Variants in TFB1M observed in about 807,000 individuals in gnomAD.
TFB1M encodes dimethyladenosine transferase 1, mitochondrial.
A neutral mutation model predicts 31.1 loss-of-function variants in TFB1M; 27 were observed. The observed-to-expected ratio is 0.87, with a 90% CI of 0.64 to 1.20. The LOEUF is 1.20. Ranked by LOEUF, TFB1M falls within the 50% of genes most tolerant of loss-of-function variation. TFB1M has a pLI of 0.00. For synonymous variants in TFB1M, 166 were observed against 151.8 expected (o/e 1.09, Z -0.69); for missense variants, 394 against 418.7 (o/e 0.94, Z 0.51).
chr6:155,268,057 G>A (rs1384286956), intron 5 of TFB1M, among the ~76,000 whole-genome samples: 1 of 152,076 alleles, frequency 6.6e-6, no homozygotes, highest in Non-Finnish European at 1.5e-5. Context: ...AGATGCCCTT[G>A]ACTACATTAT....
At chr6:155,266,603 T>G (rs1784642664) in intron 5 of TFB1M, among the ~76,000 whole-genome samples, 1 of 151,842 alleles carries the variant, frequency 6.6e-6, no homozygotes, top group Non-Finnish European at 1.5e-5. Flanking sequence ...TCCCAGCACT[T>G]TGGAAGGCCA....
At chr6:155,259,377 G>A (rs2114661013) in intron 6 of TFB1M, among the ~76,000 whole-genome samples, 1 of 152,220 alleles carries the variant, frequency 6.6e-6, no homozygotes, top group East Asian at 1.9e-4. Context: ...GCAACAAGTG[G>A]CAGGCTGAGG....
In TFB1M at chr6:155,278,105, A is replaced by T. The variant is rs528595542; in HGVS notation, c.666+7053T>A. Among the ~76,000 whole-genome samples the T allele has an allele frequency of 1.5e-4, 23 of 152,312 alleles. No homozygotes were observed. In the South Asian group the frequency reaches 4.8e-3, roughly 32 times the overall value. ...ATTGTTTGGAAGTGGCAATCCTGCAATAAATGATGTGGAGTCTCTCTATTC... is the reference window on the plus strand; with the variant it reads ...ATTGTTTGGAAGTGGCAATCCTGCATTAAATGATGTGGAGTCTCTCTATTC... On this transcript the variant is annotated intron_variant, in intron 5 of 6. Transcript: ENST00000367166.
At chr6:155,239,974 C>T in the TFB1M span, among the ~76,000 whole-genome samples, 1 of 152,228 alleles carries the variant, frequency 6.6e-6, no homozygotes, top group African/African-American at 2.4e-5. Flanking sequence ...ACTCATAATT[C>T]TACTTGCCAC....
At chr6:155,269,296 G>C (rs1784812468) in intron 5 of TFB1M, among the ~76,000 whole-genome samples, 1 of 147,290 alleles carries the variant, frequency 6.8e-6, no homozygotes, top group African/African-American at 2.5e-5. Context: ...TTACTTCTCT[G>C]TAGCTTAGTT....
intron 5 of TFB1M, among the ~76,000 whole-genome samples, chr6:155,280,235 G>A (rs1192737169): frequency 6.6e-6 from 1 of 152,110 alleles, no homozygotes; most frequent in Non-Finnish European, 1.5e-5. Context: ...ACAGGATGCT[G>A]TGTCTTGGCC....
chr6:155,312,917 C>A (rs1399169085), intron 1 of TFB1M, among the ~76,000 whole-genome samples: 3 of 151,936 alleles, frequency 2.0e-5, no homozygotes, highest in Non-Finnish European at 4.4e-5. Flanking sequence ...TTAGAGTGGG[C>A]AATCTTTTAA....
the TFB1M span, among the ~76,000 whole-genome samples, chr6:155,233,488 C>T: frequency 2.0e-5 from 3 of 152,228 alleles, no homozygotes; most frequent in African/African-American, 7.2e-5. Flanking sequence ...GTTTTCTTGC[C>T]ACTCCTAAGA....
At position 155,256,312 on chromosome 6, in the gene TFB1M, T is replaced by C. The variant is rs1422982300; in HGVS notation, c.*1524A>G. 1.6e-5 allele frequency: 15 copies of C among 935,198 alleles called. No individual in the cohort carries two copies. Among genetic ancestry groups the C allele is most frequent in the Admixed American group, 2.8e-5 (1 of 35,188 alleles). 57.9% of individuals were successfully genotyped at this position (935,198 alleles called of 1,614,324 possible). On this transcript the variant is annotated 3_prime_UTR_variant, in exon 7 of 7. Coordinates refer to ENST00000367166, the MANE Select transcript of TFB1M (RefSeq NM_016020.4). ...TACAACTGTAAACCTAAGTCAAAAATGTCCATGTTTTCAGTAGCTACATTT... is the reference window on the plus strand; with the variant it reads ...TACAACTGTAAACCTAAGTCAAAAACGTCCATGTTTTCAGTAGCTACATTT...
intron 5 of TFB1M, chr6:155,275,766 C>G: frequency 6.2e-7 from 1 of 1,614,084 alleles, no homozygotes; most frequent in Non-Finnish European, 8.5e-7. Flanking sequence ...CTGGCCTTAT[C>G]TGGGGTCTCT....
At chr6:155,299,287 A>G (rs1169723197) in intron 2 of TFB1M, among the ~76,000 whole-genome samples, 1 of 152,080 alleles carries the variant, frequency 6.6e-6, no homozygotes, top group Non-Finnish European at 1.5e-5. Context: ...CAAAAAGGGG[A>G]AAAAAAGCAC....
At chr6:155,261,407 T>C (rs927178827) in intron 5 of TFB1M, among the ~76,000 whole-genome samples, 1 of 152,014 alleles carries the variant, frequency 6.6e-6, no homozygotes, top group Non-Finnish European at 1.5e-5. Context: ...TGAAATCCCA[T>C]AGAGGTTGTC....
rs772585439 is a variant in TFB1M at position 155,276,035 on chromosome 6, C to T, written c.666+9123G>A. The T allele has an allele frequency of 6.2e-6, 10 of 1,613,994 alleles. No homozygotes were observed. Among genetic ancestry groups the T allele is most frequent in the South Asian group, 4.4e-5 (4 of 91,088 alleles). On this transcript the variant is annotated intron_variant, in intron 5 of 6. Transcript: ENST00000367166. ...TTCCACAGTAGGAATGAAATGTACT[C>T]GCTTAGGAGGGGACAGAGAAACCAA...
Position 155,256,764 on chromosome 6 carries a change from C to A in TFB1M, c.*1072G>T. On this transcript the variant is annotated 3_prime_UTR_variant, in exon 7 of 7. Transcript: ENST00000367166. ...ACCGTCAGACTGTGAAGCAGGGCAG[C>A]CCTACTAAAGACATCGAAATTCAGT... 6.2e-7 allele frequency: 1 copy of A among 1,614,218 alleles called. No individual in the cohort carries two copies. Among genetic ancestry groups the A allele is most frequent in the Non-Finnish European group, 8.5e-7 (1 of 1,180,042 alleles).
intron 1 of TFB1M, among the ~76,000 whole-genome samples, chr6:155,311,804 T>C (rs162984): frequency 0.67 from 101,388 of 151,994 alleles, 34,222 homozygotes; most frequent in East Asian, 0.98. Context: ...GCTGAAGTCT[T>C]ATTTTTATCT....
Position 155,257,065 on chromosome 6 carries a change from A to AC in TFB1M, c.*770dup. ...GCGAGAATTCAGTGTCCAGAGTTTA[A>AC]CATCTGTTGTCAGTGAGGAGTGTTT... On this transcript the variant is annotated 3_prime_UTR_variant, in exon 7 of 7. Transcript: ENST00000367166. The AC allele has an allele frequency of 6.2e-7, 1 of 1,614,174 alleles. No individual in the cohort carries two copies. Among genetic ancestry groups the AC allele is most frequent in the Non-Finnish European group, 8.5e-7 (1 of 1,180,020 alleles).
At chr6:155,297,235 T>A (rs1777218435) in intron 3 of TFB1M, 131 bp from the exon 4 acceptor site, 1 of 983,022 alleles carries the variant, frequency 1.0e-6, no homozygotes, top group Admixed American at 2.7e-5. Context: ...ATGGCTAAAT[T>A]TTTTTTTTCA....
the TFB1M span, among the ~76,000 whole-genome samples, chr6:155,237,961 C>T: frequency 6.6e-6 from 1 of 152,240 alleles, no homozygotes; most frequent in African/African-American, 2.4e-5. Context: ...ATGTCTGCAG[C>T]CAGCTTAGAT....
At chr6:155,266,767 A>G (rs1257836687) in intron 5 of TFB1M, among the ~76,000 whole-genome samples, 1 of 141,308 alleles carries the variant, frequency 7.1e-6, no homozygotes, top group Non-Finnish European at 1.5e-5. Flanking sequence ...GAATGGCGTG[A>G]GCCTGGGAGG....
Sources: gnomAD v4.1 joint callset for allele counts (sites outside exome capture counted in the v4.1 genomes callset) on GRCh38, gnomAD v4.1.1 for gene constraint, MANE v1.5 for transcripts, NCBI Gene and HGNC (gene_info 2026-07-23, HGNC 2026-07-21) for gene names.